MYO1D: variants seen among roughly 807,000 people sequenced by gnomAD.
The protein encoded by MYO1D is myosin ID, also known as unconventional myosin-Id.
A neutral mutation model predicts 122.0 loss-of-function variants in MYO1D; 83 were observed. The ratio of observed to expected loss-of-function variants is 0.68; its 90% CI spans 0.57 to 0.82. The LOEUF is 0.82. Among genes scored for constraint, MYO1D ranks in the 40% least tolerant of loss-of-function variants. The pLI, the probability that MYO1D is intolerant of heterozygous loss-of-function variation, is 0.00. For missense variants in MYO1D, 1,157 were observed against 1,269.5 expected, an observed-to-expected ratio of 0.91 and a Z score of 1.35; for synonymous variants, 464 against 446.9, an observed-to-expected ratio of 1.04 and a Z score of -0.48.
At chr17:32,677,892 A>G (rs1597998123) in intron 16 of MYO1D, among the ~76,000 whole-genome samples, 1 of 151,982 alleles carries the variant, frequency 6.6e-6, no homozygotes, top group Non-Finnish European at 1.5e-5. Flanking sequence ...TTTTTAATTC[A>G]TCTCAACTGG....
intron 14 of MYO1D, among the ~76,000 whole-genome samples, chr17:32,735,098 A>ACG: frequency 6.6e-6 from 1 of 151,388 alleles, no homozygotes; most frequent in Non-Finnish European, 1.5e-5. Context: ...ACACACACAC[A>ACG]CACACACACA....
intron 1 of MYO1D, among the ~76,000 whole-genome samples, chr17:32,843,221 C>T (rs1236694514): frequency 6.6e-6 from 1 of 152,144 alleles, no homozygotes; most frequent in Non-Finnish European, 1.5e-5. Context: ...ACAGGAATTC[C>T]TCTTAAATTC....
chr17:32,824,646 G>A (rs899935869), intron 1 of MYO1D, among the ~76,000 whole-genome samples: 4 of 152,130 alleles, frequency 2.6e-5, no homozygotes, highest in Admixed American at 1.3e-4. Context: ...GAGGTCCCCC[G>A]GCTTAGTAAG....
At chr17:32,792,667 G>A (rs1215799146) in intron 1 of MYO1D, 1 of 152,196 alleles carries the variant, frequency 6.6e-6, no homozygotes, top group East Asian at 1.9e-4. Flanking sequence ...TCTAGAGACA[G>A]GGTCTCGTTC....
Position 32,749,020 on chromosome 17 carries a change from A to G in MYO1D, c.1468-14T>C, listed in dbSNP as rs768934931. Reference sequence around the variant, plus strand: ...TGAGGCACAGAGCTAAGGAATCAAGAAGGATATTATTTTGAAAACAGACAT... The same window carrying G: ...TGAGGCACAGAGCTAAGGAATCAAGGAGGATATTATTTTGAAAACAGACAT... On this transcript the variant is annotated splice_polypyrimidine_tract_variant and intron_variant, in intron 11 of 21. Coordinates refer to ENST00000318217, the MANE Select transcript of MYO1D (RefSeq NM_015194.3). The G allele has an allele frequency of 1.2e-6, 2 of 1,605,978 alleles. No individual in the cohort carries two copies. Among genetic ancestry groups the G allele is most frequent in the East Asian group, 4.5e-5 (2 of 44,840 alleles).
intron 21 of MYO1D, chr17:32,499,280 T>C (rs1412614027): frequency 6.6e-6 from 1 of 152,150 alleles, no homozygotes; most frequent in African/African-American, 2.4e-5. Flanking sequence ...GGTGGGAGGA[T>C]CACTTGAGCC....
intron 21 of MYO1D, among the ~76,000 whole-genome samples, chr17:32,604,411 C>A (rs2087601263): frequency 6.6e-6 from 1 of 152,094 alleles, no homozygotes; most frequent in South Asian, 2.1e-4. Context: ...ACTCCATGAC[C>A]CCTTATGGGA....
intron 21 of MYO1D, among the ~76,000 whole-genome samples, chr17:32,585,742 T>TAAAAA (rs5819989): frequency 8.9e-6 from 1 of 112,150 alleles, no homozygotes. Flanking sequence ...CGTCTCAAAA[T>TAAAAA]AAAAAAAAAA....
intron 21 of MYO1D, among the ~76,000 whole-genome samples, chr17:32,562,220 T>C (rs1256362199): frequency 6.6e-6 from 1 of 151,904 alleles, no homozygotes; most frequent in East Asian, 1.9e-4. Flanking sequence ...GATACGCTCG[T>C]TCTTTCAATG....
chr17:32,815,740 C>T (rs2090607843), intron 1 of MYO1D, among the ~76,000 whole-genome samples: 1 of 152,122 alleles, frequency 6.6e-6, no homozygotes, highest in African/African-American at 2.4e-5. Context: ...TCCTGTGGTC[C>T]CCACCTAACT....
intron 16 of MYO1D, among the ~76,000 whole-genome samples, chr17:32,675,141 C>T (rs144145407): frequency 3.0e-4 from 45 of 152,142 alleles, no homozygotes; most frequent in Admixed American, 2.7e-3. Flanking sequence ...AAATATATTG[C>T]TAAGGGAATA....
At chr17:32,639,685 C>T (rs2729350) in intron 19 of MYO1D, among the ~76,000 whole-genome samples, 67,089 of 151,832 alleles carry the variant, frequency 0.44, 15,046 homozygotes, top group East Asian at 0.53. Flanking sequence ...CATGCGCCAC[C>T]ATGTCCAGCT....
intron 1 of MYO1D, among the ~76,000 whole-genome samples, chr17:32,834,937 G>A (rs1045140364): frequency 2.0e-4 from 30 of 152,164 alleles, no homozygotes; most frequent in African/African-American, 6.5e-4. Flanking sequence ...CGCTGAACCC[G>A]GAAGGCGGAG....
chr17:32,751,333 A>C (rs935069789), intron 11 of MYO1D, among the ~76,000 whole-genome samples: 2 of 152,190 alleles, frequency 1.3e-5, no homozygotes, highest in Non-Finnish European at 2.9e-5. Context: ...CATGTGTAAT[A>C]AACAGTTCAC....
intron 21 of MYO1D, among the ~76,000 whole-genome samples, chr17:32,528,614 G>A (rs1374364097): frequency 6.6e-6 from 1 of 152,312 alleles, no homozygotes; most frequent in African/African-American, 2.4e-5. Context: ...GATTATGTAA[G>A]GCTGCTGAGA....
At chr17:32,496,844 C>G (rs1202642104) in intron 21 of MYO1D, 1 of 152,316 alleles carries the variant, frequency 6.6e-6, no homozygotes, top group East Asian at 1.9e-4. Context: ...ACAGTGGGTT[C>G]CAGAATCACC....
intron 16 of MYO1D, among the ~76,000 whole-genome samples, chr17:32,685,192 T>C (rs932001757): frequency 3.9e-5 from 6 of 152,124 alleles, no homozygotes; most frequent in African/African-American, 4.8e-5. Flanking sequence ...TCCTCTATTA[T>C]TGGAATGAGA....
chr17:32,782,398 G>C (rs1356328926), intron 1 of MYO1D, among the ~76,000 whole-genome samples: 1 of 152,148 alleles, frequency 6.6e-6, no homozygotes, highest in African/African-American at 2.4e-5. Flanking sequence ...CAATAGCAGT[G>C]ATACCTTGTG....
At chr17:32,547,916 C>G (rs182987873) in intron 21 of MYO1D, among the ~76,000 whole-genome samples, 1 of 150,956 alleles carries the variant, frequency 6.6e-6, no homozygotes, top group East Asian at 1.9e-4. Flanking sequence ...TGGCACTGCA[C>G]TCCAGCCTGG....
Sources: allele counts gnomAD v4.1 joint callset (sites outside exome capture counted in the v4.1 genomes callset), GRCh38; gene constraint gnomAD v4.1.1; transcripts MANE v1.5; gene names NCBI Gene and HGNC (gene_info 2026-07-23, HGNC 2026-07-21).